PTPRC: variants seen among roughly 807,000 people sequenced by gnomAD.
The protein encoded by PTPRC is protein tyrosine phosphatase receptor type C, also known as receptor-type tyrosine-protein phosphatase C.
PTPRC carries 44 observed loss-of-function variants against 155.9 expected under a neutral mutation model. The ratio of observed to expected loss-of-function variants is 0.28; its 90% CI spans 0.22 to 0.36. PTPRC has a LOEUF of 0.36. Ranked by LOEUF, PTPRC falls within the 10% of genes least tolerant of loss-of-function variation. PTPRC has a pLI of 1.00. For missense variants in PTPRC, 1,401 were observed against 1,564.6 expected, an observed-to-expected ratio of 0.90 and a Z score of 1.76; for synonymous variants, 525 against 533.1, an observed-to-expected ratio of 0.98 and a Z score of 0.21.
At chr1:198,718,701 T>A (rs1424187024) in intron 14 of PTPRC, among the ~76,000 whole-genome samples, 2 of 152,142 alleles carry the variant, frequency 1.3e-5, no homozygotes, top group African/African-American at 4.8e-5. Flanking sequence ...TTAGGAAATA[T>A]TTGAAATAAA....
At chr1:198,644,057 C>G (rs79421867) in intron 2 of PTPRC, among the ~76,000 whole-genome samples, 3,683 of 151,986 alleles carry the variant, frequency 0.024, 151 homozygotes, top group African/African-American at 0.08. Flanking sequence ...AAGGTTTCAT[C>G]TTCAGACCAT....
intron 2 of PTPRC, among the ~76,000 whole-genome samples, chr1:198,648,916 AT>A (rs374390398): frequency 3.9e-4 from 59 of 151,358 alleles, no homozygotes; most frequent in African/African-American, 1.2e-3. Flanking sequence ...AAGTATCTAG[AT>A]TTTTTTTTGT....
intron 5 of PTPRC, among the ~76,000 whole-genome samples, chr1:198,702,081 G>T (rs187126015): frequency 6.6e-4 from 101 of 152,238 alleles, no homozygotes; most frequent in Admixed American, 9.8e-4. Context: ...TTTTTATATT[G>T]CCTAAGGCAG....
rs750990114 is a variant in PTPRC at position 198,706,944 on chromosome 1, T to C, written c.896T>C (p.Val299Ala). Reference protein sequence around the residue: ...TAPDKTLILDVPPGVEKFQLH... With the variant: ...TAPDKTLILDAPPGVEKFQLH... ...CCTGATAAGACATTAATATTAGATG[T>C]GCCACCAGGTAAATATCAATTTATT... Residue 299 changes from valine (V) to alanine (A), a missense_variant, in exon 9 of 33, where the codon GTG becomes GCG. Val to Ala is a moderately conservative substitution (Grantham distance 64). Coordinates refer to ENST00000442510, the MANE Select transcript of PTPRC (RefSeq NM_002838.5). 11 of 1,590,466 alleles carry C rather than the reference T, an allele frequency of 6.9e-6. No individual in the cohort carries two copies. Among genetic ancestry groups the C allele is most frequent in the South Asian group, 4.4e-5 (4 of 90,448 alleles).
chr1:198,749,820 T>A (rs1250402832), intron 28 of PTPRC, among the ~76,000 whole-genome samples: 1 of 151,838 alleles, frequency 6.6e-6, no homozygotes. Flanking sequence ...ATTTTAAAAA[T>A]AGTAAAATTT....
intron 14 of PTPRC, among the ~76,000 whole-genome samples, chr1:198,721,440 A>G (rs1339270047): frequency 1.3e-5 from 2 of 152,172 alleles, no homozygotes; most frequent in Non-Finnish European, 1.5e-5. Context: ...CCATGTCTAT[A>G]TCGTTTGTCA....
intron 3 of PTPRC, chr1:198,692,966 TA>T: frequency 1.1e-6 from 1 of 927,632 alleles, no homozygotes; most frequent in Non-Finnish European, 1.3e-6. Flanking sequence ...ACATACAAAA[TA>T]AGAGAAAAAA....
At chr1:198,671,438 C>A (rs755231969) in intron 2 of PTPRC, among the ~76,000 whole-genome samples, 6 of 152,198 alleles carry the variant, frequency 3.9e-5, no homozygotes, top group Non-Finnish European at 8.8e-5. Context: ...GCTCCTCTTT[C>A]TCTATTCCCT....
At chr1:198,689,064 T>A (rs1368106707) in intron 2 of PTPRC, among the ~76,000 whole-genome samples, 4 of 152,184 alleles carry the variant, frequency 2.6e-5, no homozygotes, top group African/African-American at 9.6e-5. Flanking sequence ...AATAAAATAT[T>A]ATTTCTAAAT....
rs193206409 is a variant in PTPRC at position 198,694,549 on chromosome 1, C to T, written c.101-2163C>T. ...CATCTAATGAAAGAGTGAGAGTGGA[C>T]GATAAAGGGAACTTGTTGAAACATT... On this transcript the variant is annotated intron_variant, in intron 3 of 32. Coordinates refer to ENST00000442510, the MANE Select transcript of PTPRC (RefSeq NM_002838.5). The T allele has an allele frequency of 5.2e-5, 51 of 989,096 alleles. No individual in the cohort carries two copies. The Admixed American group carries it at 1.1e-3, about 21-fold the overall frequency. 61.3% of individuals were successfully genotyped at this position (989,096 alleles called of 1,614,324 possible). A position where few individuals can be genotyped will look rare whatever the true frequency, so the allele number is the denominator to read the frequency against.
intron 13 of PTPRC, 24 bp downstream of exon 13, chr1:198,716,864 C>T (rs758968075): frequency 6.2e-7 from 1 of 1,607,390 alleles, no homozygotes; most frequent in Non-Finnish European, 8.5e-7. Flanking sequence ...TTTAATGCTT[C>T]TTTCCATAAA....
intron 23 of PTPRC, 33 bp downstream of exon 23, chr1:198,735,285 A>T (rs1355550009): frequency 6.7e-7 from 1 of 1,492,762 alleles, no homozygotes; most frequent in Non-Finnish European, 9.2e-7. Flanking sequence ...TTTTGTTTTG[A>T]TACTTTTTTA....
At chr1:198,642,956 CTTTCTTTCTTTCTTT>C (rs1311469503) in intron 2 of PTPRC, among the ~76,000 whole-genome samples, 1 of 145,652 alleles carries the variant, frequency 6.9e-6, no homozygotes, top group Non-Finnish European at 1.5e-5. Flanking sequence ...TTCTTTCTTT[CTTTCTTTCTTTCTTT>C]TTTCTTTCTT....
chr1:198,730,618 T>C (rs560226713), intron 17 of PTPRC, among the ~76,000 whole-genome samples: 1 of 152,214 alleles, frequency 6.6e-6, no homozygotes, highest in African/African-American at 2.4e-5. Context: ...GGAGTTAAGG[T>C]GGACTTGGAA....
At chr1:198,660,047 A>ATATATG (rs1663866020) in intron 2 of PTPRC, among the ~76,000 whole-genome samples, 1 of 54,022 alleles carries the variant, frequency 1.9e-5, no homozygotes, top group South Asian at 7.2e-4. Flanking sequence ...ATATATATAT[A>ATATATG]TATATATATA....
chr1:198,697,609 C>T lies in PTPRC; in HGVS notation c.298+700C>T, dbSNP rs139612466. Reference sequence around the variant, plus strand: ...CATTTAATGTTTAGCAATAGGTCTGCCAGTGTATTCAGACTCAGATTTACC... The same window carrying T: ...CATTTAATGTTTAGCAATAGGTCTGTCAGTGTATTCAGACTCAGATTTACC... On this transcript the variant is annotated intron_variant, in intron 4 of 32. Transcript: ENST00000442510. 1.6e-4 allele frequency among the ~76,000 whole-genome samples: 25 copies of T among 152,208 alleles called. No homozygotes were observed. The East Asian group carries it at 4.8e-3, about 29-fold the overall frequency.
At chr1:198,712,077 A>T (rs897324049) in intron 11 of PTPRC, among the ~76,000 whole-genome samples, 2 of 152,230 alleles carry the variant, frequency 1.3e-5, no homozygotes, top group African/African-American at 2.4e-5. Context: ...CAAAACCTGG[A>T]AACAGCCCAA....
At chr1:198,737,872 C>T (rs1571883107) in intron 23 of PTPRC, among the ~76,000 whole-genome samples, 2 of 151,716 alleles carry the variant, frequency 1.3e-5, no homozygotes, top group Middle Eastern at 6.8e-3. Context: ...AGAGATCTTT[C>T]ACTTCTTTGG....
chr1:198,692,841 TA>T lies in PTPRC; in HGVS notation c.100+469del, dbSNP rs929723379. 1.0e-4 allele frequency: 94 copies of T among 898,802 alleles called. No individual in the cohort carries two copies. The African/African-American group carries it at 1.6e-3, about 16-fold the overall frequency. The allele number at this position is 898,802 out of a possible 1,614,324, so 55.7% of individuals were successfully genotyped here. ...TGCAAAACCTTTGAGACTATTGAGATATTTTTAAATAATAATTTTCAAATTC... is the reference window on the plus strand; with the variant it reads ...TGCAAAACCTTTGAGACTATTGAGATTTTTTAAATAATAATTTTCAAATTC... On this transcript the variant is annotated intron_variant, in intron 3 of 32. Coordinates refer to ENST00000442510, the MANE Select transcript of PTPRC (RefSeq NM_002838.5).
Sources: allele counts gnomAD v4.1 joint callset (sites outside exome capture counted in the v4.1 genomes callset), GRCh38; gene constraint gnomAD v4.1.1; transcripts MANE v1.5; gene names NCBI Gene and HGNC (gene_info 2026-07-23, HGNC 2026-07-21).